D2HGDH: variants seen among roughly 807,000 people sequenced by gnomAD.
D2HGDH encodes the protein D-2-hydroxyglutarate dehydrogenase.
A neutral mutation model predicts 46.9 loss-of-function variants in D2HGDH; 31 were observed. The ratio of observed to expected loss-of-function variants is 0.66; its 90% CI spans 0.50 to 0.89. The LOEUF is 0.89. Ranked by LOEUF, D2HGDH falls within the 40% of genes least tolerant of loss-of-function variation. The probability of loss-of-function intolerance (pLI) is 0.00; values close to 1 mark genes in which losing one functional copy is unlikely to be tolerated. For synonymous variants in D2HGDH, 364 were observed against 332.6 expected, an observed-to-expected ratio of 1.09 and a Z score of -1.03; for missense variants, 698 against 720.8, an observed-to-expected ratio of 0.97 and a Z score of 0.36.
intron 2 of D2HGDH, among the ~76,000 whole-genome samples, chr2:241,737,834 A>T (rs947408860): frequency 6.6e-6 from 1 of 152,204 alleles, no homozygotes; most frequent in African/African-American, 2.4e-5. Flanking sequence ...AAAATGATAT[A>T]TTTAAACCTG....
intron 9 of D2HGDH, among the ~76,000 whole-genome samples, chr2:241,756,519 T>G (rs1698198160): frequency 6.6e-6 from 1 of 152,218 alleles, no homozygotes; most frequent in African/African-American, 2.4e-5. Flanking sequence ...AATGTTTCAA[T>G]CCTATCAGTT....
chr2:241,767,792 G>T lies in D2HGDH; in HGVS notation c.1389G>T (p.Glu463Asp), dbSNP rs752967377. ...LLAALEPHVY[E>D]WTAGQQGSVS... ...CTGCCCTGGAGCCCCACGTGTACGA[G>T]TGGACGGCCGGGCAGCAGGGCAGCG... The change falls in exon 10 of 10, where the codon GAG becomes GAT. Residue 463 changes from glutamate (E) to aspartate (D), a missense_variant. Coordinates refer to ENST00000321264, the MANE Select transcript of D2HGDH (RefSeq NM_152783.5). 1.2e-6 allele frequency: 2 copies of T among 1,612,340 alleles called. No individual in the cohort carries two copies. Among genetic ancestry groups the T allele is most frequent in the Non-Finnish European group, 1.7e-6 (2 of 1,179,500 alleles).
In D2HGDH at chr2:241,758,722, G is replaced by A. The variant is rs191952588; in HGVS notation, c.1306+2708G>A. 6.0e-3 allele frequency among the ~76,000 whole-genome samples: 908 copies of A among 151,488 alleles called. 17 individuals carry two copies. The highest frequency in any genetic ancestry group is 0.021 in the African/African-American group (880 of 41,210). On this transcript the variant is annotated intron_variant, in intron 9 of 9. Coordinates refer to ENST00000321264, the MANE Select transcript of D2HGDH (RefSeq NM_152783.5). The stretch of plus-strand genomic sequence containing the variant: ...AGTCCAGTAGTTCTAGACCAGCCTG[G>A]GCAACACAGTGACATCTGATCTATA...
At chr2:241,740,976 C>T (rs1177515689) in intron 2 of D2HGDH, 57 bp from the exon 3 acceptor site, 3 of 1,457,450 alleles carry the variant, frequency 2.1e-6, no homozygotes, top group Non-Finnish European at 2.9e-6. Flanking sequence ...CGAGTGACCA[C>T]TTGCCTCATC....
At position 241,751,328 on chromosome 2, in the gene D2HGDH, C is replaced by A; in HGVS notation, c.1080C>A (p.His360Gln). 1 of 1,613,826 alleles carries A rather than the reference C, an allele frequency of 6.2e-7. No homozygotes were observed. Among genetic ancestry groups the A allele is most frequent in the Non-Finnish European group, 8.5e-7 (1 of 1,180,038 alleles). Residue 360 changes from histidine to glutamine, a missense_variant, in exon 8 of 10, where the codon CAC (histidine) becomes CAA (glutamine). Coordinates refer to ENST00000321264, the MANE Select transcript of D2HGDH (RefSeq NM_152783.5). ...DAEKLGHFLE[H>Q]ALGSGLVTDG... Reference sequence around the variant, plus strand: ...AGAAGCTGGGCCACTTCCTGGAGCACGCGCTGGGCTCCGGCCTGGTGACCG... The same window carrying A: ...AGAAGCTGGGCCACTTCCTGGAGCAAGCGCTGGGCTCCGGCCTGGTGACCG...
intron 9 of D2HGDH, among the ~76,000 whole-genome samples, chr2:241,762,695 C>G (rs1419257742): frequency 6.6e-6 from 1 of 152,186 alleles, no homozygotes; most frequent in African/African-American, 2.4e-5. Flanking sequence ...TCCAGCTTGG[C>G]GTTCTCTGCC....
chr2:241,743,301 T>C lies in D2HGDH; in HGVS notation c.491-321T>C, dbSNP rs559253780. ...CCCCCAACCCAGGCATTGTCCCACATGCCCAGGGCAGGATCAGCCCCAGCT... is the reference window on the plus strand; with the variant it reads ...CCCCCAACCCAGGCATTGTCCCACACGCCCAGGGCAGGATCAGCCCCAGCT... On this transcript the variant is annotated intron_variant, in intron 4 of 9. Coordinates refer to ENST00000321264, the MANE Select transcript of D2HGDH (RefSeq NM_152783.5). This position sits in a 1 kb window ranked among gnomAD's most constrained non-coding sequence, Gnocchi z 4.8. Among the ~76,000 whole-genome samples the C allele has an allele frequency of 2.0e-5, 3 of 152,340 alleles. No individual in the cohort carries two copies. Among genetic ancestry groups the C allele is most frequent in the South Asian group, 4.1e-4 (2 of 4,834 alleles).
intron 8 of D2HGDH, chr2:241,754,947 G>T: frequency 2.7e-6 from 3 of 1,126,982 alleles, no homozygotes; most frequent in East Asian, 6.1e-5. Flanking sequence ...GTCTCTGGAG[G>T]GGCAGGTGCT....
chr2:241,742,744 C>T lies in D2HGDH; in HGVS notation c.490+170C>T, dbSNP rs370105810. On this transcript the variant is annotated intron_variant, in intron 4 of 9. Coordinates refer to ENST00000321264, the MANE Select transcript of D2HGDH (RefSeq NM_152783.5). This position sits in a 1 kb window ranked among gnomAD's most constrained non-coding sequence, Gnocchi z 4.8. The stretch of plus-strand genomic sequence containing the variant: ...GGCCGCCTAGCCCCACCTCGCCCGG[C>T]CCCTCCAGACATGCGTGCTGGTGAG... Among the ~76,000 whole-genome samples the T allele has an allele frequency of 6.6e-6, 1 of 152,222 alleles. No homozygotes were observed. Among genetic ancestry groups the T allele is most frequent in the Admixed American group, 6.5e-5 (1 of 15,292 alleles).
chr2:241,753,048 C>T (rs541504090), intron 8 of D2HGDH, among the ~76,000 whole-genome samples: 9 of 152,212 alleles, frequency 5.9e-5, no homozygotes, highest in Non-Finnish European at 8.8e-5. Flanking sequence ...TGCCCAGAGC[C>T]GGGTTCATGA....
At position 241,735,619 on chromosome 2, in the gene D2HGDH, C is replaced by A; in HGVS notation, c.292+103C>A. 9 of 1,493,908 alleles carry A rather than the reference C, an allele frequency of 6.0e-6. No homozygotes were observed. The South Asian group carries it at 1.1e-4, about 18-fold the overall frequency. The allele number at this position is 1,493,908 out of a possible 1,614,324, so 92.5% of individuals were successfully genotyped here. ...CTGAGAACAACCTGGATGGGGGTGC[C>A]AGCCCCTGGCTGCGCTGAGAGGGGC... On this transcript the variant is annotated intron_variant, in intron 2 of 9. Coordinates refer to ENST00000321264, the MANE Select transcript of D2HGDH (RefSeq NM_152783.5).
chr2:241,744,188 C>T (rs975861989), intron 5 of D2HGDH, among the ~76,000 whole-genome samples: 2 of 152,180 alleles, frequency 1.3e-5, no homozygotes, highest in African/African-American at 4.8e-5. Flanking sequence ...TCTGTTTACC[C>T]GCACCCTCAC....
At chr2:241,750,065 C>G in intron 6 of D2HGDH, 86 bp from the exon 7 acceptor site, 1 of 1,600,420 alleles carries the variant, frequency 6.2e-7, no homozygotes, top group South Asian at 1.1e-5. Context: ...CCACATGAGT[C>G]GGGCTGATGT....
chr2:241,759,440 G>A (rs551386011), intron 9 of D2HGDH, among the ~76,000 whole-genome samples: 1 of 152,316 alleles, frequency 6.6e-6, no homozygotes, highest in Admixed American at 6.5e-5. Flanking sequence ...CGCTGCCTTG[G>A]TGTCTGCTTT....
chr2:241,750,610 C>A (rs563206494), intron 7 of D2HGDH, among the ~76,000 whole-genome samples: 5 of 152,320 alleles, frequency 3.3e-5, no homozygotes, highest in Non-Finnish European at 7.4e-5. Flanking sequence ...TCCATTTCTT[C>A]TTTTCTTTGT....
intron 9 of D2HGDH, among the ~76,000 whole-genome samples, chr2:241,761,578 T>G (rs1395643147): frequency 6.6e-6 from 1 of 152,182 alleles, no homozygotes; most frequent in African/African-American, 2.4e-5. Context: ...GTAGTTTATA[T>G]GCAAATCCTA....
intron 2 of D2HGDH, among the ~76,000 whole-genome samples, chr2:241,737,123 C>G (rs1376759793): frequency 6.6e-6 from 1 of 152,202 alleles, no homozygotes; most frequent in African/African-American, 2.4e-5. Flanking sequence ...CGCCCGCCAC[C>G]ACGCCCGGCT....
rs4675879 is a variant in D2HGDH at position 241,755,530 on chromosome 2, G to C, written c.1141-319G>C. On this transcript the variant is annotated intron_variant, in intron 8 of 9. Coordinates refer to ENST00000321264, the MANE Select transcript of D2HGDH (RefSeq NM_152783.5). ...TGTCCCCCTTCTGTGAGGTGTCCCA[G>C]CCGCCTGATTGCCGGAGTCCCAGGG... 5.1e-6 allele frequency: 7 copies of C among 1,378,602 alleles called. 1 individual carries two copies. The East Asian group carries it at 2.0e-4, about 39-fold the overall frequency. 85.4% of individuals were successfully genotyped at this position (1,378,602 alleles called of 1,614,324 possible).
At chr2:241,748,334 T>C (rs1696413753) in intron 6 of D2HGDH, among the ~76,000 whole-genome samples, 1 of 152,170 alleles carries the variant, frequency 6.6e-6, no homozygotes, top group Non-Finnish European at 1.5e-5. Flanking sequence ...TTGGCCAGGC[T>C]GGTCTGTGAC....
Sources: gnomAD v4.1 joint callset for allele counts (sites outside exome capture counted in the v4.1 genomes callset) on GRCh38, gnomAD v4.1.1 for gene constraint, Gnocchi (gnomAD v3.1) non-coding constraint, MANE v1.5 for transcripts, NCBI Gene and HGNC (gene_info 2026-07-23, HGNC 2026-07-21) for gene names.